Variants in CRB1 observed in about 807,000 individuals in gnomAD.
CRB1 encodes the protein crumbs cell polarity complex component 1.
In CRB1, 83 loss-of-function variants were observed where a neutral mutation model predicts 120.0. The observed-to-expected ratio is 0.69, with a 90% confidence interval of 0.58 to 0.83. The LOEUF (loss-of-function observed/expected upper bound fraction) is 0.83. Among genes scored for constraint, CRB1 ranks in the 40% least tolerant of loss-of-function variants. CRB1 has a pLI of 0.00. For synonymous variants in CRB1, 625 were observed against 612.5 expected, an observed-to-expected ratio of 1.02 and a Z score of -0.30; for missense variants, 1,699 against 1,687.6, an observed-to-expected ratio of 1.01 and a Z score of -0.12.
intron 5 of CRB1, among the ~76,000 whole-genome samples, chr1:197,394,869 G>A (rs1033653646): frequency 1.3e-5 from 2 of 152,016 alleles, no homozygotes; most frequent in Non-Finnish European, 2.9e-5. Flanking sequence ...ATAAGAGCAA[G>A]CATATTAGGT....
At chr1:197,227,848 A>G in the CRB1 span, among the ~76,000 whole-genome samples, 1 of 152,166 alleles carries the variant, frequency 6.6e-6, no homozygotes. Context: ...CTGGGCATCC[A>G]GGCATTTCCG....
chr1:197,296,044 A>G (rs1423198597), intron 1 of CRB1, among the ~76,000 whole-genome samples: 7 of 152,108 alleles, frequency 4.6e-5, no homozygotes, highest in Admixed American at 3.9e-4. Flanking sequence ...GACTATAAAA[A>G]TATGAGCACT....
At chr1:197,255,031 A>T in the CRB1 span, among the ~76,000 whole-genome samples, 1 of 152,024 alleles carries the variant, frequency 6.6e-6, no homozygotes, top group Admixed American at 6.6e-5. Context: ...CCTGTCATGG[A>T]TTCTTAATTA....
chr1:197,475,150 G>A (rs1022368005), intron 11 of CRB1, among the ~76,000 whole-genome samples: 2 of 152,098 alleles, frequency 1.3e-5, no homozygotes, highest in Admixed American at 6.6e-5. Flanking sequence ...ATTTTTCACA[G>A]TAATATGAAG....
chr1:197,427,619 T>A lies in CRB1; in HGVS notation c.2294T>A (p.Val765Asp), dbSNP rs1272516105. ...LENSTYQYIR[V>D]WLERGRLAML... ...AACAGCACTTATCAATATATCCGTG[T>A]CTGGCTAGAGCGCGGCAGACTAGCA... The change falls in exon 7 of 12, where the codon GTC becomes GAC. Residue 765 changes from valine (V) to aspartate (D), a missense_variant. Physicochemically the swap from Val to Asp is radical, Grantham distance 152. Transcript: ENST00000367400. 6.2e-7 allele frequency: 1 copy of A among 1,613,878 alleles called. No homozygotes were observed. Among genetic ancestry groups the A allele is most frequent in the African/African-American group, 1.3e-5 (1 of 74,890 alleles).
intron 5 of CRB1, among the ~76,000 whole-genome samples, chr1:197,398,023 C>G (rs1164628431): frequency 6.6e-6 from 1 of 152,164 alleles, no homozygotes; most frequent in Non-Finnish European, 1.5e-5. Context: ...ACCCCAGTTT[C>G]TCACTCTTCA....
chr1:197,245,791 C>T, the CRB1 span, among the ~76,000 whole-genome samples: 1 of 152,046 alleles, frequency 6.6e-6, no homozygotes, highest in South Asian at 2.1e-4. Flanking sequence ...ACTGGCAGGT[C>T]AGGGAGAAGA....
the CRB1 span, among the ~76,000 whole-genome samples, chr1:197,243,526 A>G: frequency 6.6e-6 from 1 of 152,130 alleles, no homozygotes. Context: ...ATTTGATTGC[A>G]TGGTGGTCTG....
intron 11 of CRB1, among the ~76,000 whole-genome samples, chr1:197,446,361 T>C (rs1253156012): frequency 6.6e-6 from 1 of 152,044 alleles, no homozygotes; most frequent in Non-Finnish European, 1.5e-5. Flanking sequence ...GGAGTTAGGC[T>C]GTGGAAGAAG....
chr1:197,348,682 T>C (rs2125335621), intron 4 of CRB1, among the ~76,000 whole-genome samples: 1 of 152,144 alleles, frequency 6.6e-6, no homozygotes, highest in African/African-American at 2.4e-5. Context: ...TTCACTGTGT[T>C]AGCCAGGATG....
At chr1:197,209,889 C>T in the CRB1 span, among the ~76,000 whole-genome samples, 1 of 152,182 alleles carries the variant, frequency 6.6e-6, no homozygotes. Flanking sequence ...GGCAGATGAT[C>T]CCCCTTTTAC....
chr1:197,333,199 T>A (rs1658964877), intron 2 of CRB1, among the ~76,000 whole-genome samples: 1 of 152,204 alleles, frequency 6.6e-6, no homozygotes, highest in Non-Finnish European at 1.5e-5. Context: ...TAGAGAGGGT[T>A]CACACTGCGT....
At chr1:197,453,814 G>C (rs28594101) in intron 11 of CRB1, among the ~76,000 whole-genome samples, 2 of 141,716 alleles carry the variant, frequency 1.4e-5, no homozygotes, top group African/African-American at 2.6e-5. Flanking sequence ...ATAATATATT[G>C]TTAATTATTA....
chr1:197,396,447 T>C (rs1454982118), intron 5 of CRB1, among the ~76,000 whole-genome samples: 2 of 151,434 alleles, frequency 1.3e-5, no homozygotes, highest in African/African-American at 4.8e-5. Flanking sequence ...ATCAATAGGA[T>C]TTTTTTTTGT....
chr1:197,397,484 A>G (rs748203448), intron 5 of CRB1, among the ~76,000 whole-genome samples: 3 of 152,146 alleles, frequency 2.0e-5, no homozygotes, highest in Non-Finnish European at 4.4e-5. Context: ...GAGAATGAAA[A>G]CATACTTCTA....
the CRB1 span, among the ~76,000 whole-genome samples, chr1:197,252,923 G>C: frequency 6.6e-6 from 1 of 151,750 alleles, no homozygotes; most frequent in African/African-American, 2.4e-5. Flanking sequence ...ATTCACATTG[G>C]TGAAGGCAGA....
chr1:197,229,292 T>G, the CRB1 span, among the ~76,000 whole-genome samples: 3 of 152,156 alleles, frequency 2.0e-5, no homozygotes, highest in Non-Finnish European at 4.4e-5. Context: ...TTTATGAGAT[T>G]AGCAACATGA....
At position 197,398,793 on chromosome 1, in the gene CRB1, C is replaced by T. The variant is rs75926863; in HGVS notation, c.1172-22207C>T. 6.9e-3 allele frequency among the ~76,000 whole-genome samples: 1,054 copies of T among 151,756 alleles called. 11 individuals are homozygous for T. The highest frequency in any genetic ancestry group is 0.021 in the African/African-American group (884 of 41,356). ...GTATCCCAGGGAAGGAGTAGAGGCA[C>T]TATATATACATATTTCCATTTATAT... On this transcript the variant is annotated intron_variant, in intron 5 of 11. Transcript: ENST00000367400.
intron 5 of CRB1, among the ~76,000 whole-genome samples, chr1:197,390,870 A>G (rs1662472276): frequency 6.6e-6 from 1 of 152,088 alleles, no homozygotes; most frequent in South Asian, 2.1e-4. Flanking sequence ...TTCTAGCCCG[A>G]GGCCCTTAAG....
Sources: gnomAD v4.1 joint callset for allele counts (sites outside exome capture counted in the v4.1 genomes callset) on GRCh38, gnomAD v4.1.1 for gene constraint, MANE v1.5 for transcripts, NCBI Gene and HGNC (gene_info 2026-07-23, HGNC 2026-07-21) for gene names.